VHL: variants seen among roughly 807,000 people sequenced by gnomAD.
VHL encodes von Hippel-Lindau tumor suppressor.
Under a neutral mutation model 19.2 loss-of-function variants are expected in VHL, and 10 were observed. That is an observed-to-expected ratio of 0.52 (90% CI 0.32 to 0.89). The LOEUF is 0.89. Among genes scored for constraint, VHL ranks in the 40% least tolerant of loss-of-function variants. The probability of loss-of-function intolerance (pLI) is 0.03; values close to 1 mark genes in which losing one functional copy is unlikely to be tolerated. For missense variants in VHL, 328 were observed against 292.7 expected (o/e 1.12, Z -0.88); for synonymous variants, 167 against 129.5 (o/e 1.29, Z -1.97).
intron 1 of VHL, among the ~76,000 whole-genome samples, chr3:10,145,722 A>G (rs1696239791): frequency 6.6e-6 from 1 of 151,758 alleles, no homozygotes; most frequent in Non-Finnish European, 1.5e-5. Flanking sequence ...AAAAAAAAGA[A>G]AAAGAAAAGA....
rs568570655 is a variant in VHL at position 10,147,212 on chromosome 3, G to A, written c.463+576G>A. 4.3e-4 allele frequency among the ~76,000 whole-genome samples: 66 copies of A among 151,852 alleles called. 1 individual carries two copies. The South Asian group carries it at 0.013, about 29-fold the overall frequency. ...TTTTTAGTAGAGACGGGGTTTCACC[G>A]TGTTAGCCAGGATGGTCTCCATCTC... is the stretch of plus-strand genomic sequence containing the variant. On this transcript the variant is annotated intron_variant, in intron 2 of 2. Transcript: ENST00000256474.
intron 2 of VHL, among the ~76,000 whole-genome samples, chr3:10,147,722 A>G (rs1046584352): frequency 6.6e-6 from 1 of 150,682 alleles, no homozygotes; most frequent in African/African-American, 2.4e-5. Context: ...TATTTGTTTG[A>G]AGCTCAAATG....
At position 10,151,293 on chromosome 3, in the gene VHL, C is replaced by A. The variant is rs78562649; in HGVS notation, c.*1328C>A. 850 of 210,978 alleles carry A rather than the reference C, an allele frequency of 4.0e-3. 6 individuals carry two copies. The highest frequency in any genetic ancestry group is 0.018 in the African/African-American group (786 of 44,232). 13.1% of individuals were successfully genotyped at this position (210,978 alleles called of 1,614,324 possible). A position where few individuals can be genotyped will look rare whatever the true frequency, so the allele number is the denominator to read the frequency against. ...ACTGTTTCATAGTTTTCTAAATGTA[C>A]AAATTCTTATAGGCTAGACTTAGAT... On this transcript the variant is annotated 3_prime_UTR_variant, in exon 3 of 3. Coordinates refer to ENST00000256474, the MANE Select transcript of VHL (RefSeq NM_000551.4).
chr3:10,141,811 G>C lies in VHL; in HGVS notation c.-37G>C, dbSNP rs1321343314. The C allele has an allele frequency of 5.2e-6, 8 of 1,535,780 alleles. No individual in the cohort carries two copies. Among genetic ancestry groups the C allele is most frequent in the Non-Finnish European group, 7.0e-6 (8 of 1,140,536 alleles). On this transcript the variant is annotated 5_prime_UTR_variant, in exon 1 of 3. Transcript: ENST00000256474. Reference sequence around the variant, plus strand: ...GCCCCGCGTCCGACCCGCGGATCCCGCGGCGTCCGGCCCGGGTGGTCTGGA... The same window carrying C: ...GCCCCGCGTCCGACCCGCGGATCCCCCGGCGTCCGGCCCGGGTGGTCTGGA...
chr3:10,149,987 C>G lies in VHL; in HGVS notation c.*22C>G, dbSNP rs765610126. On this transcript the variant is annotated 3_prime_UTR_variant, in exon 3 of 3. Transcript: ENST00000256474. ...TTGAAGATTTCTGTTGAAACTTACACTGTTTCATCTCAGCTTTTGATGGTA... is the reference window on the plus strand; with the variant it reads ...TTGAAGATTTCTGTTGAAACTTACAGTGTTTCATCTCAGCTTTTGATGGTA... The G allele has an allele frequency of 3.1e-6, 5 of 1,607,402 alleles. No individual in the cohort carries two copies. The highest frequency in any genetic ancestry group is 4.2e-6 in the Non-Finnish European group (5 of 1,176,696).
At position 10,150,585 on chromosome 3, in the gene VHL, A is replaced by G. The variant is rs2125131327; in HGVS notation, c.*620A>G. 4.1e-6 allele frequency: 1 copy of G among 241,158 alleles called. No individual in the cohort carries two copies. Among genetic ancestry groups the G allele is most frequent in the South Asian group, 1.5e-4 (1 of 6,474 alleles). 14.9% of individuals were successfully genotyped at this position (241,158 alleles called of 1,614,324 possible). A position where few individuals can be genotyped will look rare whatever the true frequency, so the allele number is the denominator to read the frequency against. ...GGGGACCTTAAAATGTGTACAGTGA[A>G]CAAATGTCTTAAAGGGAATCATTTT... On this transcript the variant is annotated 3_prime_UTR_variant, in exon 3 of 3. Transcript: ENST00000256474.
intron 1 of VHL, among the ~76,000 whole-genome samples, chr3:10,144,522 G>A (rs113362379): frequency 3.0e-4 from 38 of 128,196 alleles, no homozygotes; most frequent in African/African-American, 1.2e-3. Context: ...TTTGAGACAG[G>A]ATGTCCTGCT....
rs1205209199 is a variant in VHL at position 10,153,438 on chromosome 3, A to AC, written c.*3475dup. Among the ~76,000 whole-genome samples the AC allele has an allele frequency of 7.0e-6, 1 of 142,698 alleles. No homozygotes were observed. The highest frequency in any genetic ancestry group is 3.1e-5 in the African/African-American group (1 of 32,700). The allele number at this position is 142,698 out of a possible 152,430, so 93.6% of individuals were successfully genotyped here. A position where few individuals can be genotyped will look rare whatever the true frequency, so the allele number is the denominator to read the frequency against. On this transcript the variant is annotated 3_prime_UTR_variant, in exon 3 of 3. Coordinates refer to ENST00000256474, the MANE Select transcript of VHL (RefSeq NM_000551.4). ...GAGTGAAATTCCATCTCAAAAAGAA[A>AC]CCAAAAAAACAAAAAAAAAACATGC...
chr3:10,152,913 C>T lies in VHL; in HGVS notation c.*2948C>T, dbSNP rs1219761191. Among the ~76,000 whole-genome samples the T allele has an allele frequency of 2.0e-5, 3 of 152,100 alleles. No homozygotes were observed. The highest frequency in any genetic ancestry group is 2.9e-5 in the Non-Finnish European group (2 of 68,016). ...ATCCCAGCATTTTGGGAGACCAAGGCGGATGGATCACCTGAGGTCAGGAGC... is the reference window on the plus strand; with the variant it reads ...ATCCCAGCATTTTGGGAGACCAAGGTGGATGGATCACCTGAGGTCAGGAGC... On this transcript the variant is annotated 3_prime_UTR_variant, in exon 3 of 3. Coordinates refer to ENST00000256474, the MANE Select transcript of VHL (RefSeq NM_000551.4).
rs458106 is a variant in VHL, at chr3:10,151,825, A to G, written c.*1860A>G. ...CCCGCCTGTAATCCCAGTACTTTGG[A>G]AAGCCAAGGTAAGAGGATTGCTTGA... On this transcript the variant is annotated 3_prime_UTR_variant, in exon 3 of 3. Coordinates refer to ENST00000256474, the MANE Select transcript of VHL (RefSeq NM_000551.4). 0.98 allele frequency: 192,553 copies of G among 196,184 alleles called. 94,518 individuals are homozygous for G. Among genetic ancestry groups the G allele is most frequent in the East Asian group, 1 (12,495 of 12,496 alleles). The allele number at this position is 196,184 out of a possible 1,614,324, so 12.2% of individuals were successfully genotyped here.
rs1447850576 is a variant in VHL at position 10,148,383 on chromosome 3, C to T, written c.464-1404C>T. The stretch of plus-strand genomic sequence containing the variant: ...AGGCTGGAGTGCAGTGGCGGGATCT[C>T]GGCTCACTGCAAGCTCCGCCTCCCG... On this transcript the variant is annotated intron_variant, in intron 2 of 2. Coordinates refer to ENST00000256474, the MANE Select transcript of VHL (RefSeq NM_000551.4). Among the ~76,000 whole-genome samples, 32 of 141,436 alleles carry T rather than the reference C, an allele frequency of 2.3e-4. No homozygotes were observed. In the South Asian group the frequency reaches 2.9e-3, roughly 13 times the overall value. The allele number at this position is 141,436 out of a possible 152,430, so 92.8% of individuals were successfully genotyped here. A position where few individuals can be genotyped will look rare whatever the true frequency, so the allele number is the denominator to read the frequency against.
In VHL at chr3:10,146,622, A is replaced by G. The variant is rs760184234; in HGVS notation, c.449A>G (p.Asn150Ser). The G allele has an allele frequency of 8.7e-6, 14 of 1,613,906 alleles. No individual in the cohort carries two copies. Among genetic ancestry groups the G allele is most frequent in the South Asian group, 3.3e-5 (3 of 91,088 alleles). Residue 150 changes from asparagine to serine, a missense_variant, in exon 2 of 3, where the codon AAT becomes AGT. Asn to Ser is a conservative substitution (Grantham distance 46). Coordinates refer to ENST00000256474, the MANE Select transcript of VHL (RefSeq NM_000551.4). ...LNVDGQPIFANITLPVYTLKE... is the reference protein window; with the variant it reads ...LNVDGQPIFASITLPVYTLKE... ...GTTGACGGACAGCCTATTTTTGCCA[A>G]TATCACACTGCCAGGTACTGACGTT...
intron 2 of VHL, 77 bp from the exon 3 acceptor site, chr3:10,149,707 AGTT>A (rs1471706121): frequency 8.4e-7 from 1 of 1,184,156 alleles, no homozygotes; most frequent in African/African-American, 1.5e-5. Flanking sequence ...TAGTACAGGT[AGTT>A]GTTGGCAAAG....
chr3:10,146,739 G>A (rs1485119717), intron 2 of VHL, 103 bp downstream of exon 2: 2 of 1,435,658 alleles, frequency 1.4e-6, no homozygotes, highest in African/African-American at 1.4e-5. Context: ...CTGATGTCAG[G>A]CACGTTATCC....
chr3:10,142,033 G>C lies in VHL; in HGVS notation c.186G>C (p.Val62=). The change falls in exon 1 of 3, where the codon GTG becomes GTC. Residue 62 remains valine, a synonymous_variant. Transcript: ENST00000256474. ...EEMEAGRPRP[V]LRSVNSREPS... is the part of the protein sequence containing the mutation. ...TGGAGGCCGGGCGGCCGCGGCCCGT[G>C]CTGCGCTCGGTGAACTCGCGCGAGC... 6.2e-7 allele frequency: 1 copy of C among 1,600,216 alleles called. No homozygotes were observed. The highest frequency in any genetic ancestry group is 8.5e-7 in the Non-Finnish European group (1 of 1,175,240).
intron 1 of VHL, among the ~76,000 whole-genome samples, chr3:10,145,935 A>G (rs1052129835): frequency 1.3e-5 from 2 of 152,034 alleles, no homozygotes; most frequent in Non-Finnish European, 2.9e-5. Flanking sequence ...ATGGTAGCAG[A>G]AAGGGCATGG....
intron 2 of VHL, among the ~76,000 whole-genome samples, chr3:10,149,048 T>C (rs1269101503): frequency 1.3e-5 from 2 of 151,774 alleles, no homozygotes; most frequent in Non-Finnish European, 2.9e-5. Context: ...TGGTAGTCGT[T>C]GGTGTGGCTG....
At position 10,150,397 on chromosome 3, in the gene VHL, C is replaced by G. The variant is rs1230198427; in HGVS notation, c.*432C>G. The G allele has an allele frequency of 6.7e-6, 8 of 1,197,312 alleles. No individual in the cohort carries two copies. Among genetic ancestry groups the G allele is most frequent in the African/African-American group, 3.1e-5 (2 of 64,818 alleles). The allele number at this position is 1,197,312 out of a possible 1,614,324, so 74.2% of individuals were successfully genotyped here. ...TTGTCTGCCTCCTGCTTTGGGAAGA[C>G]TGAGGCATCCGTGAGGCAGGGACAA... On this transcript the variant is annotated 3_prime_UTR_variant, in exon 3 of 3. Coordinates refer to ENST00000256474, the MANE Select transcript of VHL (RefSeq NM_000551.4).
At position 10,144,146 on chromosome 3, in the gene VHL, A is replaced by T. The variant is rs1310321860; in HGVS notation, c.340+1959A>T. Among the ~76,000 whole-genome samples, 4 of 152,070 alleles carry T rather than the reference A, an allele frequency of 2.6e-5. No homozygotes were observed. In the East Asian group the frequency reaches 7.7e-4, roughly 29 times the overall value. On this transcript the variant is annotated intron_variant, in intron 1 of 2. Transcript: ENST00000256474. ...TGTATGAATTTTGTATTTTACTCCAAAATTTTTCTGTGCCCGATTTAATAT... is the reference window on the plus strand; with the variant it reads ...TGTATGAATTTTGTATTTTACTCCATAATTTTTCTGTGCCCGATTTAATAT...
Sources: gnomAD v4.1 joint callset for allele counts (sites outside exome capture counted in the v4.1 genomes callset) on GRCh38, gnomAD v4.1.1 for gene constraint, MANE v1.5 for transcripts, NCBI Gene and HGNC (gene_info 2026-07-23, HGNC 2026-07-21) for gene names.